NHSL1: variants seen among roughly 807,000 people sequenced by gnomAD.
NHSL1 encodes NHS-like protein 1.
In NHSL1, 48 loss-of-function variants were observed where a neutral mutation model predicts 95.0. The ratio of observed to expected loss-of-function variants is 0.51; its 90% confidence interval spans 0.40 to 0.64. The LOEUF (loss-of-function observed/expected upper bound fraction) is 0.64, where lower values mean the gene tolerates loss of function less well. NHSL1 is among the 30% of genes least tolerant of loss of function. NHSL1 has a pLI of 0.00. For synonymous variants in NHSL1, 783 were observed against 833.9 expected (o/e 0.94, Z 1.05); for missense variants, 1,971 against 2,077.7 (o/e 0.95, Z 1.00).
chr6:138,521,199 T>G (rs1171370129), intron 1 of NHSL1, among the ~76,000 whole-genome samples: 1 of 152,180 alleles, frequency 6.6e-6, no homozygotes, highest in African/African-American at 2.4e-5. Context: ...TTCCTTTTTG[T>G]CTTTAAAAGC....
chr6:138,661,734 T>A (rs9484195), intron 1 of NHSL1, among the ~76,000 whole-genome samples: 6,046 of 151,810 alleles, frequency 0.04, 316 homozygotes, highest in African/African-American at 0.12. Context: ...TCATTAAATA[T>A]AGAATGAAGT....
rs146380862 is a variant in NHSL1, at chr6:138,460,510, T to A, written c.339+12796A>T. 3.1e-3 allele frequency among the ~76,000 whole-genome samples: 475 copies of A among 152,166 alleles called. 2 individuals carry two copies. The highest frequency in any genetic ancestry group is 9.9e-3 in the African/African-American group (409 of 41,520). On this transcript the variant is annotated intron_variant, in intron 3 of 7. Transcript: ENST00000343505. ...TCATTATTCCCTAAACAATACAGTA[T>A]AACAACTCTTTACATAGCATTTACA...
chr6:138,493,503 T>C (rs1780187815), intron 2 of NHSL1, among the ~76,000 whole-genome samples: 1 of 152,158 alleles, frequency 6.6e-6, no homozygotes, highest in Non-Finnish European at 1.5e-5. Flanking sequence ...ATACATGAAA[T>C]GGGAGTGAAG....
intron 1 of NHSL1, among the ~76,000 whole-genome samples, chr6:138,583,529 C>T (rs1216240849): frequency 1.3e-5 from 2 of 152,134 alleles, no homozygotes; most frequent in Non-Finnish European, 2.9e-5. Flanking sequence ...TGCGCTTCAC[C>T]CGTCACATCT....
chr6:138,514,735 T>C (rs1215425180), intron 1 of NHSL1, among the ~76,000 whole-genome samples: 1 of 151,962 alleles, frequency 6.6e-6, no homozygotes, highest in African/African-American at 2.4e-5. Context: ...CTGGGGAACA[T>C]AGGGAGACTC....
chr6:138,575,328 GC>G (rs1489469894), upstream of NHSL1, among the ~76,000 whole-genome samples: 1 of 152,136 alleles, frequency 6.6e-6, no homozygotes, highest in African/African-American at 2.4e-5. Flanking sequence ...TTCCTCCAGG[GC>G]CCCCAACCCT....
chr6:138,490,698 T>C (rs1432974360), intron 2 of NHSL1, among the ~76,000 whole-genome samples: 1 of 152,138 alleles, frequency 6.6e-6, no homozygotes, highest in African/African-American at 2.4e-5. Context: ...AGTGGCACAA[T>C]CTCAGCCCAC....
intron 1 of NHSL1, among the ~76,000 whole-genome samples, chr6:138,601,350 G>T (rs1357141449): frequency 6.6e-6 from 1 of 152,168 alleles, no homozygotes; most frequent in Non-Finnish European, 1.5e-5. Flanking sequence ...AACACTGCTG[G>T]CAATCTGTTA....
chr6:138,521,371 C>T (rs536897835), intron 1 of NHSL1, among the ~76,000 whole-genome samples: 4 of 152,200 alleles, frequency 2.6e-5, no homozygotes, highest in East Asian at 1.9e-4. Flanking sequence ...GAGGTTGAAG[C>T]GGGAAGACCC....
upstream of NHSL1, among the ~76,000 whole-genome samples, chr6:138,500,318 C>T (rs562784668): frequency 3.3e-5 from 5 of 152,106 alleles, no homozygotes; most frequent in African/African-American, 1.2e-4. Flanking sequence ...TGGCAATTAA[C>T]CACAGAGAAC....
In NHSL1 at chr6:138,424,251, A is replaced by C; in HGVS notation, c.4651T>G (p.Ser1551Ala). 1 of 1,505,280 alleles carries C rather than the reference A, an allele frequency of 6.6e-7. No individual in the cohort carries two copies. The highest frequency in any genetic ancestry group is 8.9e-7 in the Non-Finnish European group (1 of 1,125,904). The allele number at this position is 1,505,280 out of a possible 1,614,324, so 93.2% of individuals were successfully genotyped here. ...RGALGAAEGCSLDGLAREEMD... is the reference protein window; with the variant it reads ...RGALGAAEGCALDGLAREEMD... ...TCCTCCCTCGCCAGTCCGTCCAGGG[A>C]ACATCCCTCCGCAGCGCCCAGAGCC... Residue 1551 changes from serine (S) to alanine (A), a missense_variant, in exon 8 of 8, where the codon TCC (serine) becomes GCC (alanine). By Grantham distance (99) the Ser-to-Ala change is moderately conservative. This residue lies in a region of NHSL1 where 223 missense variants were observed against 217.0 expected (regional missense o/e 1.03). Coordinates refer to ENST00000343505, the MANE Select transcript of NHSL1 (RefSeq NM_001144060.2). The surrounding 1 kb of genome is among the most constrained non-coding windows in gnomAD (Gnocchi z 5.9).
At chr6:138,649,249 A>G (rs1394931793) in intron 1 of NHSL1, among the ~76,000 whole-genome samples, 4 of 152,078 alleles carry the variant, frequency 2.6e-5, no homozygotes, top group African/African-American at 9.7e-5. Context: ...CACTTCATCT[A>G]GTCAGTCGTC....
Position 138,479,154 on chromosome 6 carries a change from T to C in NHSL1, c.212-5721A>G, listed in dbSNP as rs148666237. Among the ~76,000 whole-genome samples the C allele has an allele frequency of 6.2e-3, 939 of 152,326 alleles. 3 individuals carry two copies. Among genetic ancestry groups the C allele is most frequent in the Middle Eastern group, 0.017 (5 of 294 alleles). Reference sequence around the variant, plus strand: ...GCTATGTTTTTTTCCTAGACATCTATACCTATGATAATGTTTGAGGTGTGA... The same window carrying C: ...GCTATGTTTTTTTCCTAGACATCTACACCTATGATAATGTTTGAGGTGTGA... On this transcript the variant is annotated intron_variant, in intron 2 of 7. Transcript: ENST00000343505.
intron 1 of NHSL1, among the ~76,000 whole-genome samples, chr6:138,674,999 A>G (rs1785430233): frequency 6.6e-6 from 1 of 151,602 alleles, no homozygotes; most frequent in South Asian, 2.1e-4. Flanking sequence ...GTGAGCTATG[A>G]GAACTATGAT....
chr6:138,449,052 CAAAAAA>C (rs545496586), intron 3 of NHSL1, among the ~76,000 whole-genome samples: 2 of 88,440 alleles, frequency 2.3e-5, no homozygotes, highest in African/African-American at 7.4e-5. Context: ...AATTCTGTCT[CAAAAAA>C]AAAAAAAAAA....
intron 2 of NHSL1, among the ~76,000 whole-genome samples, chr6:138,480,095 T>A (rs1779322538): frequency 6.6e-6 from 1 of 152,178 alleles, no homozygotes. Flanking sequence ...TGTTGACTTC[T>A]TAGATTGCGT....
rs188870287 is a variant in NHSL1, at chr6:138,425,010, A to C, written c.4086-194T>G. Among the ~76,000 whole-genome samples, 651 of 152,124 alleles carry C rather than the reference A, an allele frequency of 4.3e-3. 2 individuals carry two copies. The highest frequency in any genetic ancestry group is 5.6e-3 in the Non-Finnish European group (382 of 68,006). On this transcript the variant is annotated intron_variant, in intron 7 of 7. Coordinates refer to ENST00000343505, the MANE Select transcript of NHSL1 (RefSeq NM_001144060.2). ...TTTGGGAGGCCACGGTGGGAGGATC[A>C]CTTGAGCTTAGGAGTTCGAGACCAG... is the stretch of plus-strand genomic sequence containing the variant.
intron 3 of NHSL1, among the ~76,000 whole-genome samples, chr6:138,455,497 CCCCG>C (rs1207972673): frequency 5.2e-5 from 4 of 76,650 alleles, no homozygotes; most frequent in Non-Finnish European, 1.1e-4. Context: ...CTGCAAGGAG[CCCCG>C]CCTTCACATG....
At chr6:138,521,577 T>G (rs773024897) in intron 1 of NHSL1, among the ~76,000 whole-genome samples, 6 of 152,172 alleles carry the variant, frequency 3.9e-5, no homozygotes, top group Non-Finnish European at 7.4e-5. Flanking sequence ...ATAAATTCTT[T>G]GCTTTGGAAG....
Sources: allele counts gnomAD v4.1 joint callset (sites outside exome capture counted in the v4.1 genomes callset), GRCh38; gene constraint gnomAD v4.1.1; regional missense constraint gnomAD v4.1.1; non-coding constraint Gnocchi (gnomAD v3.1); transcripts MANE v1.5; gene names NCBI Gene and HGNC (gene_info 2026-07-23, HGNC 2026-07-21).